PDE4B: variants seen among roughly 807,000 people sequenced by gnomAD.
The protein encoded by PDE4B is 3',5'-cyclic-AMP phosphodiesterase 4B.
Under a neutral mutation model 82.2 loss-of-function variants are expected in PDE4B, and 20 were observed. The ratio of observed to expected loss-of-function variants is 0.24; its 90% confidence interval spans 0.17 to 0.35. The LOEUF (loss-of-function observed/expected upper bound fraction) is 0.35. PDE4B is among the 10% of genes least tolerant of loss of function. The pLI, the probability that PDE4B is intolerant of heterozygous loss-of-function variation, is 1.00. For synonymous variants in PDE4B, 320 were observed against 318.9 expected (o/e 1.00, Z -0.04); for missense variants, 655 against 907.2 (o/e 0.72, Z 3.57).
intron 3 of PDE4B, among the ~76,000 whole-genome samples, chr1:66,032,463 T>C (rs997594774): frequency 2.6e-5 from 4 of 152,124 alleles, no homozygotes; most frequent in Admixed American, 6.5e-5. Context: ...GGATACTTTA[T>C]CCCCTAAGAT....
intron 7 of PDE4B, among the ~76,000 whole-genome samples, chr1:66,296,167 T>C (rs910901032): frequency 5.9e-5 from 9 of 152,150 alleles, no homozygotes; most frequent in East Asian, 5.8e-4. Context: ...TGATGACCCA[T>C]TTATATGTTT....
At chr1:66,256,515 A>G (rs1654241306) in intron 4 of PDE4B, among the ~76,000 whole-genome samples, 1 of 152,200 alleles carries the variant, frequency 6.6e-6, no homozygotes, top group Non-Finnish European at 1.5e-5. Context: ...CACAGAAGAC[A>G]CTTGCCAGAT....
intron 1 of PDE4B, among the ~76,000 whole-genome samples, chr1:65,849,786 C>T (rs1269308410): frequency 6.6e-6 from 1 of 152,158 alleles, no homozygotes; most frequent in Non-Finnish European, 1.5e-5. Flanking sequence ...AACAAGAACG[C>T]CCCTTTTCTC....
rs1274589237 is a variant in PDE4B, at chr1:66,195,274, T to C, written c.282-52186T>C. Among the ~76,000 whole-genome samples the C allele has an allele frequency of 2.0e-5, 3 of 152,156 alleles. No individual in the cohort carries two copies. The East Asian group carries it at 5.8e-4, about 29-fold the overall frequency. On this transcript the variant is annotated intron_variant, in intron 3 of 16. Coordinates refer to ENST00000341517, the MANE Select transcript of PDE4B (RefSeq NM_002600.4). Reference sequence around the variant, plus strand: ...GAAAAATTTATAATTTTCCAGAGCTTCCATGACCTTGTGTTCATTTCCCTA... The same window carrying C: ...GAAAAATTTATAATTTTCCAGAGCTCCCATGACCTTGTGTTCATTTCCCTA...
chr1:65,992,891 G>A, intron 3 of PDE4B: 1 of 1,610,908 alleles, frequency 6.2e-7, no homozygotes, highest in South Asian at 1.1e-5. Context: ...GTGAAAGCTA[G>A]CACTCCTTAC....
chr1:66,241,005 T>C (rs1241643722), intron 3 of PDE4B, among the ~76,000 whole-genome samples: 1 of 152,202 alleles, frequency 6.6e-6, no homozygotes, highest in Admixed American at 6.5e-5. Flanking sequence ...GTTGAGCCTT[T>C]CTGTGGAGAA....
At chr1:66,116,603 C>T (rs1277916396) in intron 3 of PDE4B, among the ~76,000 whole-genome samples, 1 of 152,142 alleles carries the variant, frequency 6.6e-6, no homozygotes, top group Non-Finnish European at 1.5e-5. Flanking sequence ...TGCTCTGTCA[C>T]CTATGCTGGA....
Position 66,333,707 on chromosome 1 carries a change from G to A in PDE4B, c.747+1087G>A, listed in dbSNP as rs546021198. Among the ~76,000 whole-genome samples, 7 of 152,278 alleles carry A rather than the reference G, an allele frequency of 4.6e-5. No homozygotes were observed. In the East Asian group the frequency reaches 1.3e-3, roughly 29 times the overall value. On this transcript the variant is annotated intron_variant, in intron 8 of 16. Transcript: ENST00000341517. ...GGTAAAAGTACCACCTTTGGATCAAGGCTTGCTGGCTGCGGCTCAGAGGAT... is the reference window on the plus strand; with the variant it reads ...GGTAAAAGTACCACCTTTGGATCAAAGCTTGCTGGCTGCGGCTCAGAGGAT...
At chr1:66,250,816 A>G (rs533527086) in intron 4 of PDE4B, among the ~76,000 whole-genome samples, 29 of 152,144 alleles carry the variant, frequency 1.9e-4, no homozygotes, top group Non-Finnish European at 3.4e-4. Flanking sequence ...TTGATTATCC[A>G]CCTGCAAAGC....
intron 3 of PDE4B, among the ~76,000 whole-genome samples, chr1:66,180,969 T>C (rs907702683): frequency 2.0e-5 from 3 of 152,230 alleles, no homozygotes; most frequent in African/African-American, 7.2e-5. Context: ...TTTATTCATG[T>C]GTCATTTCAT....
intron 7 of PDE4B, among the ~76,000 whole-genome samples, chr1:66,313,004 C>T (rs150274805): frequency 1.2e-4 from 19 of 152,300 alleles, no homozygotes; most frequent in Admixed American, 1.2e-3. Flanking sequence ...TTAATTACAA[C>T]CCCAACCCCA....
At chr1:66,348,039 A>T (rs1054768636) in intron 8 of PDE4B, among the ~76,000 whole-genome samples, 6 of 152,218 alleles carry the variant, frequency 3.9e-5, no homozygotes, top group Non-Finnish European at 8.8e-5. Context: ...AGGAAAGGAC[A>T]CTAGACTGGA....
chr1:66,105,086 G>A (rs1274403283), intron 3 of PDE4B, among the ~76,000 whole-genome samples: 1 of 152,120 alleles, frequency 6.6e-6, no homozygotes, highest in Admixed American at 6.6e-5. Context: ...TAACGTTTAT[G>A]TCTTTAATCC....
intron 7 of PDE4B, among the ~76,000 whole-genome samples, chr1:66,278,305 T>C (rs542949724): frequency 6.6e-6 from 1 of 152,326 alleles, no homozygotes; most frequent in Admixed American, 6.5e-5. Flanking sequence ...AGAAACTGAA[T>C]GACTTTGCAG....
In PDE4B at chr1:66,139,696, T is replaced by C. The variant is rs114530336; in HGVS notation, c.282-107764T>C. Among the ~76,000 whole-genome samples the C allele has an allele frequency of 4.7e-3, 681 of 144,996 alleles. 7 individuals are homozygous for C. Among genetic ancestry groups the C allele is most frequent in the African/African-American group, 0.016 (627 of 38,526 alleles). ...CATCCCCCTAGAAACAAGGGAGCATTACTCAGAATAGCCACTTAAATAATT... is the reference window on the plus strand; with the variant it reads ...CATCCCCCTAGAAACAAGGGAGCATCACTCAGAATAGCCACTTAAATAATT... On this transcript the variant is annotated intron_variant, in intron 3 of 16. Coordinates refer to ENST00000341517, the MANE Select transcript of PDE4B (RefSeq NM_002600.4).
chr1:66,193,094 A>G (rs1647969419), intron 3 of PDE4B, among the ~76,000 whole-genome samples: 1 of 152,204 alleles, frequency 6.6e-6, no homozygotes, highest in South Asian at 2.1e-4. Context: ...GAGCTGGAAT[A>G]TGTCTGTCAG....
At chr1:65,825,706 C>CTATCTATA (rs1553188292) in intron 1 of PDE4B, among the ~76,000 whole-genome samples, 1 of 16,804 alleles carries the variant, frequency 6.0e-5, no homozygotes, top group Non-Finnish European at 1.3e-4. Context: ...ACAAAATTAC[C>CTATCTATA]TATCTATCTA....
intron 3 of PDE4B, among the ~76,000 whole-genome samples, chr1:65,966,074 AG>A (rs1202419118): frequency 2.6e-5 from 4 of 152,184 alleles, no homozygotes; most frequent in South Asian, 2.1e-4. Context: ...AAAGAAATAA[AG>A]GGTATTCAAA....
In PDE4B at chr1:66,023,049, A is replaced by G. The variant is rs1570007146; in HGVS notation, c.281+104214A>G. ...GTTTAGTCTTGGACTCTTACCATTGATTGTGTGGGGATTGTAAATGGTGAC... is the reference window on the plus strand; with the variant it reads ...GTTTAGTCTTGGACTCTTACCATTGGTTGTGTGGGGATTGTAAATGGTGAC... On this transcript the variant is annotated intron_variant, in intron 3 of 16. Coordinates refer to ENST00000341517, the MANE Select transcript of PDE4B (RefSeq NM_002600.4). 2.6e-5 allele frequency among the ~76,000 whole-genome samples: 4 copies of G among 151,862 alleles called. No individual in the cohort carries two copies. In the East Asian group the frequency reaches 7.7e-4, roughly 29 times the overall value.
Sources: allele counts gnomAD v4.1 joint callset (sites outside exome capture counted in the v4.1 genomes callset), GRCh38; gene constraint gnomAD v4.1.1; transcripts MANE v1.5; gene names NCBI Gene and HGNC (gene_info 2026-07-23, HGNC 2026-07-21).